ZFP90: variants seen among roughly 807,000 people sequenced by gnomAD.
ZFP90 encodes ZFP90 zinc finger protein, also known as zinc finger protein 90 homolog.
In ZFP90, 38 loss-of-function variants were observed where a neutral mutation model predicts 60.8. That is an observed-to-expected ratio of 0.62 (90% CI 0.48 to 0.82). The LOEUF (loss-of-function observed/expected upper bound fraction) is 0.82. ZFP90 is among the 40% of genes least tolerant of loss of function. The pLI, the probability that ZFP90 is intolerant of heterozygous loss-of-function variation, is 0.00. For synonymous variants in ZFP90, 287 were observed against 264.8 expected, an observed-to-expected ratio of 1.08 and a Z score of -0.82; for missense variants, 711 against 759.1, an observed-to-expected ratio of 0.94 and a Z score of 0.74.
At position 68,575,522 on chromosome 16, in the gene ZFP90, G is replaced by C. The variant is rs1489782773; in HGVS notation, c.224-269G>C. ...CAGAATGGGGAGTGTGTGCTGATTGGTTTGTGAGTATGCAAAAAAAAAAAA... is the reference window on the plus strand; with the variant it reads ...CAGAATGGGGAGTGTGTGCTGATTGCTTTGTGAGTATGCAAAAAAAAAAAA... On this transcript the variant is annotated intron_variant, in intron 2 of 2. Coordinates refer to the ZFP90 transcript ENST00000573113. 3.0e-5 allele frequency among the ~76,000 whole-genome samples: 3 copies of C among 100,122 alleles called. No individual in the cohort carries two copies. In the East Asian group the frequency reaches 1.1e-3, roughly 37 times the overall value. The allele number at this position is 100,122 out of a possible 152,430, so 65.7% of individuals were successfully genotyped here.
chr16:68,545,458 G>T (rs971101700), intron 2 of ZFP90, among the ~76,000 whole-genome samples: 3 of 152,126 alleles, frequency 2.0e-5, no homozygotes, highest in African/African-American at 7.2e-5. Context: ...AATGTGATTT[G>T]CACTGAACAG....
downstream of ZFP90, among the ~76,000 whole-genome samples, chr16:68,568,592 C>T (rs996533449): frequency 1.3e-5 from 2 of 152,186 alleles, no homozygotes; most frequent in African/African-American, 2.4e-5. Flanking sequence ...AAGAGACACA[C>T]ACAAAGATGT....
intron 2 of ZFP90, among the ~76,000 whole-genome samples, chr16:68,542,200 A>G (rs2091062558): frequency 6.6e-6 from 1 of 152,136 alleles, no homozygotes; most frequent in Non-Finnish European, 1.5e-5. Flanking sequence ...GCTGGTGTCA[A>G]GTGTTGTTGC....
At chr16:68,574,052 T>C (rs2091581034) in intron 2 of ZFP90, 1 of 152,068 alleles carries the variant, frequency 6.6e-6, no homozygotes, top group African/African-American at 2.4e-5. Context: ...ACTAGCCATC[T>C]GTGTCCCATG....
chr16:68,567,308 A>G (rs571940118), downstream of ZFP90, among the ~76,000 whole-genome samples: 5 of 152,156 alleles, frequency 3.3e-5, no homozygotes, highest in Non-Finnish European at 7.3e-5. Flanking sequence ...CTGTCATTCA[A>G]TCCTTATAAC....
chr16:68,564,079 T>G lies in ZFP90; in HGVS notation c.1292T>G (p.Phe431Cys), dbSNP rs773515564. ...PYQSSNYSID[F>C]KHSTSLTQDE... ...CAAAGCAGTAACTACAGCATAGATT[T>G]CAAGCACAGCACATCTCTCACTCAA... Residue 431 changes from phenylalanine to cysteine, a missense_variant, in exon 5 of 5, where the codon TTC becomes TGC. This residue lies in a region of ZFP90 where 295 missense variants were observed against 274.0 expected (regional missense o/e 1.08). Transcript: ENST00000563169. 1 of 1,614,070 alleles carries G rather than the reference T, an allele frequency of 6.2e-7. No individual in the cohort carries two copies. Among genetic ancestry groups the G allele is most frequent in the South Asian group, 1.1e-5 (1 of 91,082 alleles).
At chr16:68,547,836 CTT>C (rs1555498464) in intron 2 of ZFP90, among the ~76,000 whole-genome samples, 8 of 135,994 alleles carry the variant, frequency 5.9e-5, no homozygotes, top group Admixed American at 7.5e-5. Flanking sequence ...GTTGATCTCT[CTT>C]TTTTTTTTTT....
At chr16:68,543,257 C>T (rs1214150539) in intron 2 of ZFP90, among the ~76,000 whole-genome samples, 2 of 152,064 alleles carry the variant, frequency 1.3e-5, no homozygotes, top group Non-Finnish European at 2.9e-5. Flanking sequence ...TGATTTGGGG[C>T]AGGGAACTAA....
chr16:68,565,859 TCA>T lies in ZFP90; in HGVS notation c.*1165_*1166del. 1 of 984,558 alleles carries T rather than the reference TCA, an allele frequency of 1.0e-6. No individual in the cohort carries two copies. The highest frequency in any genetic ancestry group is 1.2e-6 in the Non-Finnish European group (1 of 829,230). The allele number at this position is 984,558 out of a possible 1,614,324, so 61.0% of individuals were successfully genotyped here. ...AATTAACTTGGCTAGGTATGGTGTCTCACACCTGTAATCCCAGCACTTTGGGT... is the reference window on the plus strand; with the variant it reads ...AATTAACTTGGCTAGGTATGGTGTCTCACCTGTAATCCCAGCACTTTGGGT... On this transcript the variant is annotated 3_prime_UTR_variant, in exon 5 of 5. Coordinates refer to ENST00000563169, the MANE Select transcript of ZFP90 (RefSeq NM_001305203.2).
rs1567411813 is a variant in ZFP90 at position 68,564,239 on chromosome 16, TAGTC to T, written c.1455_1458del (p.Gln486LysfsTer27). 3 of 1,613,998 alleles carry T rather than the reference TAGTC, an allele frequency of 1.9e-6. No homozygotes were observed. Among genetic ancestry groups the T allele is most frequent in the Non-Finnish European group, 2.5e-6 (3 of 1,179,976 alleles). The stretch of plus-strand genomic sequence containing the variant: ...ACCCCTATGATTGTGAGCAGGCTTT[TAGTC>T]AGCAAGCTATTTCTCATCCTGGAGA... On this transcript the variant is annotated frameshift_variant, in exon 5 of 5. Coordinates refer to ENST00000563169, the MANE Select transcript of ZFP90 (RefSeq NM_001305203.2). LOFTEE classifies it high-confidence loss of function.
upstream of ZFP90, among the ~76,000 whole-genome samples, chr16:68,538,706 C>A (rs202050553): frequency 2.1e-4 from 30 of 145,418 alleles, no homozygotes; most frequent in South Asian, 4.4e-4. Flanking sequence ...AACTGTGTCT[C>A]AAAAAAAAAA....
At position 68,558,144 on chromosome 16, in the gene ZFP90, G is replaced by A. The variant is rs1463347709; in HGVS notation, c.160+20G>A. On this transcript the variant is annotated intron_variant, in intron 3 of 4. Transcript: ENST00000563169. Reference sequence around the variant, plus strand: ...CTCTTGGTAAGGACCACTTCTCTGAGTGTCTTTCCTGCTGATGGGCCTTTC... The same window carrying A: ...CTCTTGGTAAGGACCACTTCTCTGAATGTCTTTCCTGCTGATGGGCCTTTC... 6.2e-7 allele frequency: 1 copy of A among 1,611,330 alleles called. No individual in the cohort carries two copies. Among genetic ancestry groups the A allele is most frequent in the African/African-American group, 1.3e-5 (1 of 74,786 alleles).
chr16:68,555,270 C>G (rs1294171894), intron 2 of ZFP90: 1 of 152,236 alleles, frequency 6.6e-6, no homozygotes, highest in Non-Finnish European at 1.5e-5. Context: ...CATTTTTAGT[C>G]TGCCACAGTG....
intron 4 of ZFP90, 154 bp from the exon 5 acceptor site, chr16:68,562,890 T>C: frequency 6.6e-7 from 1 of 1,513,966 alleles, no homozygotes; most frequent in Non-Finnish European, 8.9e-7. Flanking sequence ...TTTCTTCACT[T>C]TTCCTTTTCT....
intron 2 of ZFP90, among the ~76,000 whole-genome samples, chr16:68,552,708 G>T (rs909471261): frequency 6.6e-6 from 1 of 152,126 alleles, no homozygotes; most frequent in Non-Finnish European, 1.5e-5. Flanking sequence ...GCCATGAAGG[G>T]CTCTGAAGCT....
At chr16:68,550,817 T>A (rs949364761) in intron 2 of ZFP90, among the ~76,000 whole-genome samples, 6 of 152,270 alleles carry the variant, frequency 3.9e-5, no homozygotes, top group Admixed American at 6.5e-5. Flanking sequence ...ATTTGAAGGA[T>A]GAAGGCAAGG....
chr16:68,533,490 G>C (rs1344603777), intron 1 of ZFP90, among the ~76,000 whole-genome samples: 1 of 152,106 alleles, frequency 6.6e-6, no homozygotes, highest in Non-Finnish European at 1.5e-5. Flanking sequence ...TTTGTTCACT[G>C]TTTCCTTGTC....
At chr16:68,574,143 C>T (rs1567417914) in intron 2 of ZFP90, 1 of 143,074 alleles carries the variant, frequency 7.0e-6, no homozygotes, top group African/African-American at 2.6e-5. Flanking sequence ...TATCATGTGA[C>T]CTACTGGACA....
rs35335958 is a variant in ZFP90, at chr16:68,549,678, CAAAAA to C, written c.34-8304_34-8300del. 5.4e-4 allele frequency among the ~76,000 whole-genome samples: 34 copies of C among 62,926 alleles called. No homozygotes were observed. The South Asian group carries it at 0.021, about 38-fold the overall frequency. 41.3% of individuals were successfully genotyped at this position (62,926 alleles called of 152,430 possible). On this transcript the variant is annotated intron_variant, in intron 2 of 4. Transcript: ENST00000563169. ...TGGGCGACTGAGCAAGACTCCATCTCAAAAAAAAAAAAAAAAAAAAGTCTTGAGGG... is the reference window on the plus strand; with the variant it reads ...TGGGCGACTGAGCAAGACTCCATCTCAAAAAAAAAAAAAAAGTCTTGAGGG...
Sources: allele counts gnomAD v4.1 joint callset (sites outside exome capture counted in the v4.1 genomes callset), GRCh38; gene constraint gnomAD v4.1.1; regional missense constraint gnomAD v4.1.1; transcripts MANE v1.5; gene names NCBI Gene and HGNC (gene_info 2026-07-23, HGNC 2026-07-21).